Variants in PRELID2 observed in about 807,000 individuals in gnomAD.
PRELID2 encodes the protein PRELI domain-containing protein 2.
A neutral mutation model predicts 28.4 loss-of-function variants in PRELID2; 25 were observed. The observed-to-expected ratio is 0.88, with a 90% CI of 0.64 to 1.23. The LOEUF is 1.23. PRELID2 is among the 50% of genes most tolerant of loss of function. The pLI, the probability that PRELID2 is intolerant of heterozygous loss-of-function variation, is 0.00. For missense variants in PRELID2, 201 were observed against 214.4 expected, an observed-to-expected ratio of 0.94 and a Z score of 0.39; for synonymous variants, 76 against 71.6, an observed-to-expected ratio of 1.06 and a Z score of -0.31.
At chr5:145,269,478 C>T in the PRELID2 span, among the ~76,000 whole-genome samples, 2 of 151,856 alleles carry the variant, frequency 1.3e-5, no homozygotes, top group Non-Finnish European at 2.9e-5. Flanking sequence ...CCCCATAACC[C>T]AATTAATTCA....
the PRELID2 span, among the ~76,000 whole-genome samples, chr5:145,395,719 T>C: frequency 6.6e-6 from 1 of 152,076 alleles, no homozygotes; most frequent in South Asian, 2.1e-4. Context: ...ATTTCATACA[T>C]TTTATTGGAA....
At chr5:145,683,643 G>A (rs1436227734) in intron 1 of PRELID2, among the ~76,000 whole-genome samples, 1 of 151,970 alleles carries the variant, frequency 6.6e-6, no homozygotes, top group Admixed American at 6.6e-5. Context: ...ATTGGATTAG[G>A]GCCCACCCTA....
At chr5:145,797,286 A>G (rs963449877) in intron 4 of PRELID2, among the ~76,000 whole-genome samples, 5 of 150,992 alleles carry the variant, frequency 3.3e-5, no homozygotes, top group African/African-American at 1.2e-4. Flanking sequence ...CTCCCTCAAG[A>G]ATTAGCAGCA....
the PRELID2 span, among the ~76,000 whole-genome samples, chr5:145,286,795 C>G: frequency 6.8e-6 from 1 of 147,962 alleles, no homozygotes; most frequent in South Asian, 2.2e-4. Context: ...GATCTCAGCT[C>G]ACTGCAACCT....
intron 1 of PRELID2, among the ~76,000 whole-genome samples, chr5:145,750,453 T>C (rs76846570): frequency 0.02 from 2,979 of 152,190 alleles, 72 homozygotes; most frequent in East Asian, 0.077. Context: ...CACCACATTA[T>C]GCAATCCCTA....
intron 1 of PRELID2, among the ~76,000 whole-genome samples, chr5:145,749,070 G>A (rs189255948): frequency 2.8e-4 from 42 of 152,272 alleles, no homozygotes; most frequent in Middle Eastern, 3.4e-3. Context: ...CGTGGGCAGA[G>A]ACTTCATGAC....
chr5:145,304,328 A>G, the PRELID2 span, among the ~76,000 whole-genome samples: 6 of 152,166 alleles, frequency 3.9e-5, no homozygotes, highest in African/African-American at 1.4e-4. Flanking sequence ...AGGTTCTGAG[A>G]GGTGAAATAA....
intron 1 of PRELID2, among the ~76,000 whole-genome samples, chr5:145,531,792 C>A (rs772826970): frequency 1.2e-4 from 19 of 152,280 alleles, no homozygotes; most frequent in Admixed American, 2.6e-4. Context: ...CTGCCCCAAC[C>A]TGCTAACCAA....
chr5:145,719,440 C>T (rs1755928567), intron 1 of PRELID2, among the ~76,000 whole-genome samples: 2 of 151,266 alleles, frequency 1.3e-5, no homozygotes, highest in African/African-American at 4.9e-5. Flanking sequence ...GAAACAAAAT[C>T]CTACAAGACA....
intron 1 of PRELID2, among the ~76,000 whole-genome samples, chr5:145,658,710 GC>G (rs1474156916): frequency 1.3e-5 from 2 of 152,192 alleles, no homozygotes; most frequent in Admixed American, 6.5e-5. Context: ...CAATGCTGCT[GC>G]CATGATTCCT....
At chr5:145,234,290 C>A in the PRELID2 span, among the ~76,000 whole-genome samples, 1 of 152,122 alleles carries the variant, frequency 6.6e-6, no homozygotes, top group Non-Finnish European at 1.5e-5. Context: ...CACTCACAAT[C>A]TCACTCAACA....
chr5:145,396,884 T>C, the PRELID2 span, among the ~76,000 whole-genome samples: 2 of 151,182 alleles, frequency 1.3e-5, no homozygotes, highest in Non-Finnish European at 2.9e-5. Flanking sequence ...GACAGGGAAT[T>C]TGAAAAAAAC....
At chr5:145,581,864 G>T (rs1753110504) in intron 1 of PRELID2, among the ~76,000 whole-genome samples, 1 of 152,068 alleles carries the variant, frequency 6.6e-6, no homozygotes, top group African/African-American at 2.4e-5. Context: ...ATTTCAAACA[G>T]TAAATGCTGT....
intron 1 of PRELID2, among the ~76,000 whole-genome samples, chr5:145,672,387 A>G (rs1401779303): frequency 1.3e-5 from 2 of 151,922 alleles, no homozygotes; most frequent in South Asian, 2.1e-4. Context: ...AACAGTCCCC[A>G]TTACCAGTGC....
chr5:145,363,979 A>C, the PRELID2 span, among the ~76,000 whole-genome samples: 2 of 152,014 alleles, frequency 1.3e-5, no homozygotes, highest in African/African-American at 4.8e-5. Context: ...CTATTGCTAC[A>C]TTTGCAAATA....
At chr5:145,724,600 A>AATAAATAAATAAATATATAT (rs1308255896) in intron 1 of PRELID2, among the ~76,000 whole-genome samples, 1 of 24,788 alleles carries the variant, frequency 4.0e-5, no homozygotes, top group African/African-American at 1.0e-4. Flanking sequence ...GAAGTAAATA[A>AATAAATAAATAAATATATAT]ATATATATAT....
At chr5:145,660,618 CA>C (rs1258905715) in intron 1 of PRELID2, among the ~76,000 whole-genome samples, 1 of 152,162 alleles carries the variant, frequency 6.6e-6, no homozygotes, top group Non-Finnish European at 1.5e-5. Flanking sequence ...CCAGAACAAG[CA>C]TCAGGCCTAT....
intron 1 of PRELID2, among the ~76,000 whole-genome samples, chr5:145,667,906 G>T (rs1754627117): frequency 6.6e-6 from 1 of 152,052 alleles, no homozygotes; most frequent in Non-Finnish European, 1.5e-5. Flanking sequence ...ATATTCAAAA[G>T]AAAGCACAAT....
the PRELID2 span, chr5:145,229,393 T>C: frequency 7.4e-5 from 55 of 747,822 alleles, no homozygotes; most frequent in Admixed American, 9.5e-4. Context: ...GCTACAAGGC[T>C]GGAATCCTGG....
Sources: gnomAD v4.1 joint callset for allele counts (sites outside exome capture counted in the v4.1 genomes callset) on GRCh38, gnomAD v4.1.1 for gene constraint, MANE v1.5 for transcripts, NCBI Gene and HGNC (gene_info 2026-07-23, HGNC 2026-07-21) for gene names.